The following WDR41 variants were observed in gnomAD, a reference collection of about 807,000 sequenced individuals.
WDR41 encodes WD repeat domain 41, also known as WD repeat-containing protein 41.
WDR41 carries 63 observed loss-of-function variants against 69.3 expected under a neutral mutation model. The observed-to-expected ratio is 0.91, with a 90% confidence interval of 0.74 to 1.12. The LOEUF (loss-of-function observed/expected upper bound fraction) is 1.12. Ranked by LOEUF, WDR41 falls within the 50% of genes most tolerant of loss-of-function variation. WDR41 has a pLI of 0.00. For missense variants in WDR41, 543 were observed against 534.5 expected, an observed-to-expected ratio of 1.02 and a Z score of -0.16; for synonymous variants, 185 against 192.1, an observed-to-expected ratio of 0.96 and a Z score of 0.31.
chr5:77,511,684 G>A (rs948289109), intron 1 of WDR41, among the ~76,000 whole-genome samples: 1 of 151,990 alleles, frequency 6.6e-6, no homozygotes, highest in Non-Finnish European at 1.5e-5. Flanking sequence ...AGTTCTATTA[G>A]TAAAGGTCAG....
intron 1 of WDR41, among the ~76,000 whole-genome samples, chr5:77,540,081 A>G (rs1743059459): frequency 6.6e-6 from 1 of 152,236 alleles, no homozygotes; most frequent in South Asian, 2.1e-4. Flanking sequence ...GTGAAGGAGA[A>G]AAAGGGAAGA....
upstream of WDR41, among the ~76,000 whole-genome samples, chr5:77,493,818 TTCTTTAGGGTTTGCCCCATGC>T (rs912542390): frequency 2.0e-5 from 3 of 152,194 alleles, no homozygotes; most frequent in African/African-American, 7.2e-5. Context: ...ATTATCCACA[TTCTTTAGGGTTTGCCCCATGC>T]TCTTTAGGGT....
intron 2 of WDR41, among the ~76,000 whole-genome samples, chr5:77,481,182 G>T (rs1034145814): frequency 2.0e-5 from 3 of 152,056 alleles, no homozygotes; most frequent in Admixed American, 1.3e-4. Flanking sequence ...GCTGATTTTT[G>T]TATGTTTAGT....
intron 1 of WDR41, among the ~76,000 whole-genome samples, chr5:77,615,933 C>T (rs1744673014): frequency 6.6e-6 from 1 of 151,990 alleles, no homozygotes; most frequent in Admixed American, 6.6e-5. Flanking sequence ...GCAGAGGTTG[C>T]AGTGAGGCGA....
At chr5:77,536,646 C>T (rs74488372) in intron 1 of WDR41, among the ~76,000 whole-genome samples, 3,534 of 152,126 alleles carry the variant, frequency 0.023, 114 homozygotes, top group African/African-American at 0.077. Context: ...TTTACCGTAC[C>T]TTTTCTATGT....
chr5:77,554,746 C>T (rs1461436728), intron 1 of WDR41, among the ~76,000 whole-genome samples: 1 of 150,586 alleles, frequency 6.6e-6, no homozygotes, highest in Non-Finnish European at 1.5e-5. Flanking sequence ...TAAAGAGCAA[C>T]AGGAAGGATC....
intron 2 of WDR41, among the ~76,000 whole-genome samples, chr5:77,484,013 G>A (rs999361477): frequency 6.6e-6 from 1 of 152,184 alleles, no homozygotes; most frequent in Admixed American, 6.5e-5. Flanking sequence ...CCTAGAGTAA[G>A]GGTATTTTGT....
chr5:77,578,682 G>A (rs1425582633), intron 1 of WDR41, among the ~76,000 whole-genome samples: 1 of 152,030 alleles, frequency 6.6e-6, no homozygotes, highest in African/African-American at 2.4e-5. Context: ...TGGCCAACAT[G>A]GCAAAACCCT....
chr5:77,563,034 G>A (rs939365689), intron 1 of WDR41, among the ~76,000 whole-genome samples: 4 of 152,154 alleles, frequency 2.6e-5, no homozygotes, highest in Non-Finnish European at 5.9e-5. Context: ...AATTCCTTAA[G>A]AGCAAGTACC....
intron 1 of WDR41, among the ~76,000 whole-genome samples, chr5:77,552,413 T>C (rs1036264708): frequency 1.3e-5 from 2 of 152,232 alleles, no homozygotes; most frequent in African/African-American, 2.4e-5. Context: ...TGAAGAGATA[T>C]ATCATGTTTA....
rs1274051750 is a variant in WDR41 at position 77,432,815 on chromosome 5, C to A, written c.*320G>T. 5.3e-6 allele frequency: 1 copy of A among 190,430 alleles called. No homozygotes were observed. The highest frequency in any genetic ancestry group is 1.1e-5 in the Non-Finnish European group (1 of 94,124). 11.8% of individuals were successfully genotyped at this position (190,430 alleles called of 1,614,324 possible). ...CAAATAATAAAACTTCTAATAAATG[C>A]CATAACTTAACTATTACCTCTATTT... On this transcript the variant is annotated 3_prime_UTR_variant, in exon 13 of 13. Transcript: ENST00000296679.
At chr5:77,477,575 C>T (rs1173464152) in intron 2 of WDR41, among the ~76,000 whole-genome samples, 1 of 87,282 alleles carries the variant, frequency 1.1e-5, no homozygotes. Flanking sequence ...TGAATGACTA[C>T]TGGGTACATA....
Position 77,476,289 on chromosome 5 carries a change from C to T in WDR41, c.168-11480G>A, listed in dbSNP as rs1260862094. Among the ~76,000 whole-genome samples the T allele has an allele frequency of 2.0e-5, 3 of 151,846 alleles. No individual in the cohort carries two copies. In the East Asian group the frequency reaches 5.8e-4, roughly 29 times the overall value. On this transcript the variant is annotated intron_variant, in intron 2 of 12. Transcript: ENST00000296679. The stretch of plus-strand genomic sequence containing the variant: ...GGAGAACTTCCCCAATCTAGCAAGG[C>T]AGGCCAACATTCAGATTCAGGAAAT...
chr5:77,473,031 C>G (rs1291360762), intron 2 of WDR41, among the ~76,000 whole-genome samples: 1 of 152,130 alleles, frequency 6.6e-6, no homozygotes, highest in Non-Finnish European at 1.5e-5. Flanking sequence ...TACTACAAGG[C>G]TACAGTAACC....
chr5:77,477,126 A>G (rs9687882), intron 2 of WDR41, among the ~76,000 whole-genome samples: 14,697 of 146,868 alleles, frequency 0.1, 1,011 homozygotes, highest in Middle Eastern at 0.19. Context: ...AGAGCTAACT[A>G]TCCTAAATAT....
upstream of WDR41, among the ~76,000 whole-genome samples, chr5:77,494,447 A>G (rs1225048785): frequency 3.3e-5 from 5 of 152,150 alleles, no homozygotes; most frequent in African/African-American, 1.2e-4. Context: ...ACACAAATAG[A>G]TCAAAAGGGA....
chr5:77,543,703 G>C (rs75028407), intron 1 of WDR41, among the ~76,000 whole-genome samples: 19,212 of 152,044 alleles, frequency 0.13, 1,473 homozygotes, highest in South Asian at 0.25. Flanking sequence ...TGAGGAAGAA[G>C]AGAATTCTAA....
intron 1 of WDR41, among the ~76,000 whole-genome samples, chr5:77,608,234 T>C (rs1484921028): frequency 6.6e-6 from 1 of 152,230 alleles, no homozygotes; most frequent in African/African-American, 2.4e-5. Context: ...ATCTATGTTG[T>C]AGCATGTGTC....
chr5:77,582,508 G>A, intron 1 of WDR41: 4 of 1,599,494 alleles, frequency 2.5e-6, no homozygotes, highest in Non-Finnish European at 3.4e-6. Flanking sequence ...GCTTCGAAAG[G>A]CAAGGAGGAA....
Sources: gnomAD v4.1 joint callset for allele counts (sites outside exome capture counted in the v4.1 genomes callset) on GRCh38, gnomAD v4.1.1 for gene constraint, MANE v1.5 for transcripts, NCBI Gene and HGNC (gene_info 2026-07-23, HGNC 2026-07-21) for gene names.